AVL9: variants seen among roughly 807,000 people sequenced by gnomAD.
AVL9 encodes the protein late secretory pathway protein AVL9 homolog.
AVL9 carries 49 observed loss-of-function variants against 79.2 expected under a neutral mutation model. The ratio of observed to expected loss-of-function variants is 0.62; its 90% CI spans 0.49 to 0.79. The LOEUF (loss-of-function observed/expected upper bound fraction) is 0.79, where lower values mean the gene tolerates loss of function less well. Among genes scored for constraint, AVL9 ranks in the 30% least tolerant of loss-of-function variants. The pLI, the probability that AVL9 is intolerant of heterozygous loss-of-function variation, is 0.00. For synonymous variants in AVL9, 299 were observed against 280.6 expected, an observed-to-expected ratio of 1.07 and a Z score of -0.65; for missense variants, 682 against 776.8, an observed-to-expected ratio of 0.88 and a Z score of 1.45.
At chr7:32,530,157 T>C (rs1265582904) in intron 1 of AVL9, among the ~76,000 whole-genome samples, 2 of 152,206 alleles carry the variant, frequency 1.3e-5, no homozygotes, top group African/African-American at 4.8e-5. Context: ...TATACACATT[T>C]GTGCTACATG....
At chr7:32,497,926 C>G (rs1207036709) in intron 1 of AVL9, among the ~76,000 whole-genome samples, 1 of 152,224 alleles carries the variant, frequency 6.6e-6, no homozygotes, top group Non-Finnish European at 1.5e-5. Context: ...GCTGGGATTA[C>G]AGGCGTGAGC....
Position 32,502,406 on chromosome 7 carries a change from A to AAAAAAAAAAAG in AVL9, c.93+6607_93+6608insAAAAAAAGAAA, listed in dbSNP as rs201243248. On this transcript the variant is annotated intron_variant, in intron 1 of 15. Transcript: ENST00000318709. The stretch of plus-strand genomic sequence containing the variant: ...AAACCCTTTCTCAAAAAAAAAAAAA[A>AAAAAAAAAAAG]AAAGAAAGAAAAGGTATCAAACCAT... 1.7e-4 allele frequency among the ~76,000 whole-genome samples: 24 copies of AAAAAAAAAAAG among 140,156 alleles called. 1 individual carries two copies. The highest frequency in any genetic ancestry group is 5.5e-4 in the Admixed American group (7 of 12,716). 91.9% of individuals were successfully genotyped at this position (140,156 alleles called of 152,430 possible).
chr7:32,574,632 T>A (rs1202621872), intron 12 of AVL9, among the ~76,000 whole-genome samples: 1 of 152,162 alleles, frequency 6.6e-6, no homozygotes, highest in East Asian at 1.9e-4. Flanking sequence ...GCACTTTACA[T>A]CTAGTAATTC....
intron 5 of AVL9, among the ~76,000 whole-genome samples, chr7:32,551,731 T>C (rs1339886189): frequency 3.3e-5 from 5 of 151,948 alleles, no homozygotes; most frequent in Non-Finnish European, 7.4e-5. Flanking sequence ...ATCTTATTAA[T>C]AAACTGCACA....
rs570779238 is a variant in AVL9 at position 32,565,513 on chromosome 7, C to T, written c.1216-4507C>T. ...GGCAGAGGTTGCGATGAGTGGAGAT[C>T]GTGCCATTGCACTCCAGCCAGGGCA... On this transcript the variant is annotated intron_variant, in intron 10 of 15. Transcript: ENST00000318709. 1.9e-4 allele frequency among the ~76,000 whole-genome samples: 28 copies of T among 147,726 alleles called. 1 individual carries two copies. In the East Asian group the frequency reaches 4.8e-3, roughly 25 times the overall value.
intron 10 of AVL9, among the ~76,000 whole-genome samples, chr7:32,564,096 T>G (rs1208283447): frequency 6.6e-6 from 1 of 152,152 alleles, no homozygotes; most frequent in Non-Finnish European, 1.5e-5. Context: ...GGAAATTAAC[T>G]GTAGAGGGAT....
At chr7:32,560,266 AC>A (rs1790275490) in intron 10 of AVL9, among the ~76,000 whole-genome samples, 1 of 13,904 alleles carries the variant, frequency 7.2e-5, no homozygotes, top group African/African-American at 1.5e-4. Flanking sequence ...TTTTAAAAAA[AC>A]AACAAAGTGA....
Position 32,585,745 on chromosome 7 carries a change from G to A in AVL9, c.*1838G>A, listed in dbSNP as rs937518123. On this transcript the variant is annotated 3_prime_UTR_variant, in exon 16 of 16. Coordinates refer to ENST00000318709, the MANE Select transcript of AVL9 (RefSeq NM_015060.3). ...TTTGAGCATAACTCAAGAATTCAGC[G>A]ATGATAAATTGAAGGGCTGAATGTG... 15 of 152,142 alleles carry A rather than the reference G, an allele frequency of 9.9e-5. No homozygotes were observed. Among genetic ancestry groups the A allele is most frequent in the African/African-American group, 1.4e-4 (6 of 41,428 alleles). The allele number at this position is 152,142 out of a possible 1,614,324, so 9.4% of individuals were successfully genotyped here.
chr7:32,574,569 G>A (rs1790999243), intron 12 of AVL9, among the ~76,000 whole-genome samples: 1 of 152,052 alleles, frequency 6.6e-6, no homozygotes, highest in Non-Finnish European at 1.5e-5. Flanking sequence ...CTGAATAATA[G>A]TAGCTCACTT....
chr7:32,560,989 A>C (rs2128142874), intron 10 of AVL9, among the ~76,000 whole-genome samples: 3 of 152,344 alleles, frequency 2.0e-5, no homozygotes, highest in Middle Eastern at 6.8e-3. Context: ...AGTAGGTCTC[A>C]ACAGTGGCCT....
chr7:32,558,360 G>C (rs1264678401), intron 8 of AVL9, among the ~76,000 whole-genome samples, 199 bp from the exon 9 acceptor site: 3 of 151,894 alleles, frequency 2.0e-5, no homozygotes, highest in Non-Finnish European at 2.9e-5. Flanking sequence ...GTTTCACCAT[G>C]TTGGCCAGGA....
chr7:32,579,513 T>A (rs890341352), intron 13 of AVL9, among the ~76,000 whole-genome samples: 140 of 3,248 alleles, frequency 0.043, 34 homozygotes, highest in East Asian at 0.18. Flanking sequence ...TATTATATAT[T>A]ATATTATATA....
At chr7:32,578,182 A>C (rs916424110) in intron 13 of AVL9, among the ~76,000 whole-genome samples, 2 of 152,184 alleles carry the variant, frequency 1.3e-5, no homozygotes, top group African/African-American at 4.8e-5. Flanking sequence ...TGGCTAGCAG[A>C]GTTGGTCTTG....
At position 32,587,489 on chromosome 7, in the gene AVL9, A is replaced by G. The variant is rs1791849504; in HGVS notation, c.*3582A>G. On this transcript the variant is annotated 3_prime_UTR_variant, in exon 16 of 16. Coordinates refer to ENST00000318709, the MANE Select transcript of AVL9 (RefSeq NM_015060.3). ...GAGCACTTCAGCTCTGTAAGGGGCC[A>G]GCGTTCTGACCTTTAACCACATGAA... 6.6e-6 allele frequency: 1 copy of G among 152,264 alleles called. No individual in the cohort carries two copies. The highest frequency in any genetic ancestry group is 2.4e-5 in the African/African-American group (1 of 41,476). The allele number at this position is 152,264 out of a possible 1,614,324, so 9.4% of individuals were successfully genotyped here.
At chr7:32,512,165 A>G (rs1257166138) in intron 1 of AVL9, among the ~76,000 whole-genome samples, 1 of 152,110 alleles carries the variant, frequency 6.6e-6, no homozygotes, top group East Asian at 1.9e-4. Context: ...AAATAAATGG[A>G]TCTGTAATTA....
At chr7:32,509,682 T>C (rs1262732550) in intron 1 of AVL9, among the ~76,000 whole-genome samples, 3 of 152,016 alleles carry the variant, frequency 2.0e-5, no homozygotes, top group African/African-American at 7.3e-5. Context: ...AAACCCCATC[T>C]CTACTAAAAA....
intron 8 of AVL9, among the ~76,000 whole-genome samples, chr7:32,556,500 C>T (rs910222798): frequency 5.3e-5 from 6 of 113,802 alleles, no homozygotes; most frequent in Non-Finnish European, 9.3e-5. Flanking sequence ...GGTGACAGAG[C>T]GAGACTCCAT....
intron 1 of AVL9, among the ~76,000 whole-genome samples, chr7:32,512,231 A>T (rs1434688539): frequency 6.6e-6 from 1 of 152,180 alleles, no homozygotes; most frequent in Non-Finnish European, 1.5e-5. Context: ...GCAAAGATTG[A>T]TCAAGGGGCT....
chr7:32,540,750 G>T (rs1480513335), intron 1 of AVL9, among the ~76,000 whole-genome samples: 2 of 151,812 alleles, frequency 1.3e-5, no homozygotes, highest in Non-Finnish European at 2.9e-5. Context: ...CCTACAGCCG[G>T]CTTCTCCACT....
Sources: gnomAD v4.1 joint callset for allele counts (sites outside exome capture counted in the v4.1 genomes callset) on GRCh38, gnomAD v4.1.1 for gene constraint, MANE v1.5 for transcripts, NCBI Gene and HGNC (gene_info 2026-07-23, HGNC 2026-07-21) for gene names.